The following CTNNA2 variants were observed in gnomAD, a reference collection of about 807,000 sequenced individuals.
The protein encoded by CTNNA2 is catenin alpha 2, also known as catenin alpha-2.
Under a neutral mutation model 101.0 loss-of-function variants are expected in CTNNA2, and 42 were observed. That is an observed-to-expected ratio of 0.42 (90% CI 0.32 to 0.54). The LOEUF is 0.54. Ranked by LOEUF, CTNNA2 falls within the 20% of genes least tolerant of loss-of-function variation. The probability of loss-of-function intolerance (pLI) is 0.14; values close to 1 mark genes in which losing one functional copy is unlikely to be tolerated. For missense variants in CTNNA2, 871 were observed against 1,223.1 expected, an observed-to-expected ratio of 0.71 and a Z score of 4.29; for synonymous variants, 450 against 456.4, an observed-to-expected ratio of 0.99 and a Z score of 0.18.
chr2:79,545,790 A>T (rs1276046194), intron 1 of CTNNA2, among the ~76,000 whole-genome samples: 2 of 152,218 alleles, frequency 1.3e-5, no homozygotes, highest in Non-Finnish European at 2.9e-5. Flanking sequence ...TTTTATGCTC[A>T]TAATATAAGT....
Position 80,302,138 on chromosome 2 carries a change from A to T in CTNNA2, c.1057-91073A>T. On this transcript the variant is annotated intron_variant, in intron 7 of 18. Transcript: ENST00000402739. This position sits in a 1 kb window ranked among gnomAD's most constrained non-coding sequence, Gnocchi z 6.4. ...CTGGGAGAGATCCCCTTAAAGTTTC[A>T]GTCAAGGAGCATATCAGAGCACAGA... is the stretch of plus-strand genomic sequence containing the variant. 1 of 1,323,832 alleles carries T rather than the reference A, an allele frequency of 7.6e-7. No individual in the cohort carries two copies. The highest frequency in any genetic ancestry group is 1.0e-6 in the Non-Finnish European group (1 of 984,170). 82.0% of individuals were successfully genotyped at this position (1,323,832 alleles called of 1,614,324 possible). A position where few individuals can be genotyped will look rare whatever the true frequency, so the allele number is the denominator to read the frequency against.
intron 2 of CTNNA2, among the ~76,000 whole-genome samples, chr2:79,271,295 G>A (rs1675076888): frequency 6.6e-6 from 1 of 152,016 alleles, no homozygotes; most frequent in Non-Finnish European, 1.5e-5. Context: ...AGCATGTCTA[G>A]ATCCTGAAAC....
In CTNNA2 at chr2:79,744,412, A is replaced by T; in HGVS notation, c.128A>T (p.Asn43Ile). Residue 43 changes from asparagine to isoleucine, a missense_variant, in exon 3 of 19, where the codon AAC becomes ATC. Physicochemically the swap from Asn to Ile is moderately radical, Grantham distance 149 (BLOSUM62 -3). Around this residue, in one of 5 missense-constraint regions of CTNNA2, gnomAD observed 647 missense variants for 831.5 expected, o/e 0.78. Transcript: ENST00000402739. ...TQVTTLVNTSNKGPSGKKKGR... is the reference protein window; with the variant it reads ...TQVTTLVNTSIKGPSGKKKGR... ...GTGACTACACTTGTCAACACAAGCAACAAAGGCCCATCTGGTAAAAAGAAA... is the reference window on the plus strand; with the variant it reads ...GTGACTACACTTGTCAACACAAGCATCAAAGGCCCATCTGGTAAAAAGAAA... 6.2e-7 allele frequency: 1 copy of T among 1,613,554 alleles called. No individual in the cohort carries two copies. The highest frequency in any genetic ancestry group is 8.5e-7 in the Non-Finnish European group (1 of 1,179,820).
chr2:80,631,929 A>G (rs887234325), intron 18 of CTNNA2, among the ~76,000 whole-genome samples: 1 of 152,168 alleles, frequency 6.6e-6, no homozygotes, highest in East Asian at 1.9e-4. Flanking sequence ...TATAGGAGAG[A>G]TCTAATTGGT....
At chr2:79,629,871 C>G (rs1233604933) in intron 1 of CTNNA2, among the ~76,000 whole-genome samples, 1 of 152,036 alleles carries the variant, frequency 6.6e-6, no homozygotes, top group Non-Finnish European at 1.5e-5. Context: ...AGCAGATTCC[C>G]AAATGTATCA....
chr2:80,032,729 A>C (rs547792433), intron 7 of CTNNA2, among the ~76,000 whole-genome samples: 5 of 152,330 alleles, frequency 3.3e-5, no homozygotes, highest in Admixed American at 6.5e-5. Context: ...ATCAATTTAA[A>C]ATAGCAGTCC....
rs76730488 is a variant in CTNNA2, at chr2:79,398,073, C to T, written c.-135+24060C>T. 1.0e-3 allele frequency among the ~76,000 whole-genome samples: 152 copies of T among 152,236 alleles called. No homozygotes were observed. In the East Asian group the frequency reaches 0.028, roughly 28 times the overall value. On this transcript the variant is annotated intron_variant, in intron 4 of 21. Coordinates refer to the CTNNA2 transcript ENST00000466387. The stretch of plus-strand genomic sequence containing the variant: ...AATTCTCTTGGCTCTAAGTCTCAGT[C>T]TTTTATCCCAATTAATGGTAGAAAG...
intron 7 of CTNNA2, among the ~76,000 whole-genome samples, chr2:79,928,342 A>G (rs1687169233): frequency 6.6e-6 from 1 of 152,178 alleles, no homozygotes; most frequent in Non-Finnish European, 1.5e-5. Flanking sequence ...TTTGGTATCC[A>G]TTTTATACAA....
chr2:79,909,168 CG>C (rs1558632482), intron 6 of CTNNA2, among the ~76,000 whole-genome samples: 4 of 151,564 alleles, frequency 2.6e-5, no homozygotes, highest in Non-Finnish European at 4.4e-5. Flanking sequence ...GGAGGATTAA[CG>C]TGTGTGTATA....
intron 9 of CTNNA2, among the ~76,000 whole-genome samples, chr2:80,477,792 T>C (rs1190088292): frequency 1.3e-5 from 2 of 151,706 alleles, no homozygotes; most frequent in Non-Finnish European, 1.5e-5. Context: ...CACTCATCAG[T>C]TCATGGGCAC....
Position 80,614,973 on chromosome 2 carries a change from T to C in CTNNA2, c.2431-4112T>C, listed in dbSNP as rs140835181. The stretch of plus-strand genomic sequence containing the variant: ...ATTTAGAATTGGTTACTTAAATGCA[T>C]TGTGATTTTTTTTTTCTTGTTTCTA... On this transcript the variant is annotated intron_variant, in intron 17 of 18. Transcript: ENST00000402739. Among the ~76,000 whole-genome samples, 8 of 137,192 alleles carry C rather than the reference T, an allele frequency of 5.8e-5. No homozygotes were observed. The East Asian group carries it at 1.6e-3, about 28-fold the overall frequency. 90.0% of individuals were successfully genotyped at this position (137,192 alleles called of 152,430 possible). A position where few individuals can be genotyped will look rare whatever the true frequency, so the allele number is the denominator to read the frequency against.
At chr2:79,618,892 G>A (rs915666763) in intron 1 of CTNNA2, among the ~76,000 whole-genome samples, 5 of 152,154 alleles carry the variant, frequency 3.3e-5, no homozygotes, top group African/African-American at 1.2e-4. Context: ...ATAAATATAT[G>A]GGTATGAGCA....
chr2:80,381,801 C>T (rs2149349978), intron 7 of CTNNA2, among the ~76,000 whole-genome samples: 1 of 152,286 alleles, frequency 6.6e-6, no homozygotes, highest in South Asian at 2.1e-4. Flanking sequence ...CCTCCTTGTT[C>T]CATTAAGGGT....
chr2:80,224,834 T>C (rs1026457665), intron 7 of CTNNA2, among the ~76,000 whole-genome samples: 1 of 144,476 alleles, frequency 6.9e-6, no homozygotes, highest in Non-Finnish European at 1.5e-5. Context: ...TCCTCAATTA[T>C]ACAGCTTTTT....
intron 9 of CTNNA2, among the ~76,000 whole-genome samples, chr2:80,544,316 G>A (rs1457785104): frequency 6.6e-6 from 1 of 151,848 alleles, no homozygotes; most frequent in Admixed American, 6.6e-5. Flanking sequence ...AAAAAAAACT[G>A]TTGGCTTTGA....
chr2:79,854,133 T>TA lies in CTNNA2; in HGVS notation c.299-3879dup, dbSNP rs1449243624. ...TAAAAGCAGAGCACCATTTTTTTTT[T>TA]ATATATATTCTATCTTCAAACAATA... On this transcript the variant is annotated intron_variant, in intron 3 of 18. Transcript: ENST00000402739. Among the ~76,000 whole-genome samples, 8 of 151,232 alleles carry TA rather than the reference T, an allele frequency of 5.3e-5. 1 individual carries two copies. The highest frequency in any genetic ancestry group is 1.9e-4 in the African/African-American group (8 of 41,218).
chr2:79,507,800 T>A (rs1270456626), intron 5 of CTNNA2, among the ~76,000 whole-genome samples: 1 of 152,208 alleles, frequency 6.6e-6, no homozygotes, highest in East Asian at 1.9e-4. Context: ...AGAGGCTTCC[T>A]TGTTCATATA....
At chr2:79,356,953 A>C (rs1052774556) in intron 3 of CTNNA2, among the ~76,000 whole-genome samples, 2 of 152,204 alleles carry the variant, frequency 1.3e-5, no homozygotes, top group African/African-American at 4.8e-5. Flanking sequence ...CAAAATGGAG[A>C]AGTTCACTAA....
chr2:79,614,061 T>A (rs1350812538), intron 1 of CTNNA2, among the ~76,000 whole-genome samples: 2 of 152,180 alleles, frequency 1.3e-5, no homozygotes, highest in African/African-American at 4.8e-5. Context: ...TAATCAGCAA[T>A]TTGGTGTGAC....
Sources: gnomAD v4.1 joint callset for allele counts (sites outside exome capture counted in the v4.1 genomes callset) on GRCh38, gnomAD v4.1.1 for gene constraint, gnomAD v4.1.1 regional missense constraint, Gnocchi (gnomAD v3.1) non-coding constraint, MANE v1.5 for transcripts, NCBI Gene and HGNC (gene_info 2026-07-23, HGNC 2026-07-21) for gene names.